SLC4A4: variants seen among roughly 807,000 people sequenced by gnomAD.
SLC4A4 encodes electrogenic sodium bicarbonate cotransporter 1.
Under a neutral mutation model 111.5 loss-of-function variants are expected in SLC4A4, and 27 were observed. That is an observed-to-expected ratio of 0.24 (90% confidence interval 0.18 to 0.33). SLC4A4 has a LOEUF of 0.33. Among genes scored for constraint, SLC4A4 ranks in the 10% least tolerant of loss-of-function variants. The probability of loss-of-function intolerance (pLI) is 1.00; values close to 1 mark genes in which losing one functional copy is unlikely to be tolerated. For synonymous variants in SLC4A4, 443 were observed against 463.4 expected (o/e 0.96, Z 0.57); for missense variants, 909 against 1,315.5 (o/e 0.69, Z 4.78).
intron 6 of SLC4A4, among the ~76,000 whole-genome samples, chr4:71,381,469 C>G (rs1291038739): frequency 1.3e-5 from 2 of 152,168 alleles, no homozygotes; most frequent in African/African-American, 2.4e-5. Context: ...AGAGCTGTGA[C>G]TGTTGTCTTC....
At chr4:71,562,220 A>C (rs1353910342) in intron 23 of SLC4A4, among the ~76,000 whole-genome samples, 1 of 151,802 alleles carries the variant, frequency 6.6e-6, no homozygotes, top group African/African-American at 2.4e-5. Context: ...TTTCCAAAAC[A>C]AACAAACAAA....
intron 2 of SLC4A4, among the ~76,000 whole-genome samples, chr4:71,125,407 C>T (rs1044468429): frequency 6.6e-6 from 1 of 152,134 alleles, no homozygotes; most frequent in African/African-American, 2.4e-5. Flanking sequence ...ACCCTGTCTC[C>T]ACTAAAAATA....
Position 71,156,123 on chromosome 4 carries a change from T to C in SLC4A4, c.-2+63331T>C, listed in dbSNP as rs557786459. 2.7e-3 allele frequency among the ~76,000 whole-genome samples: 409 copies of C among 152,352 alleles called. 1 individual carries two copies. Among genetic ancestry groups the C allele is most frequent in the Non-Finnish European group, 3.0e-3 (204 of 68,020 alleles). On this transcript the variant is annotated intron_variant, in intron 2 of 26. Transcript: ENST00000649996. The stretch of plus-strand genomic sequence containing the variant: ...AGTTTTGGACTTGTGGGAATGATGA[T>C]GCAGGGCATCACCAGGCCAACTCTG...
intron 3 of SLC4A4, among the ~76,000 whole-genome samples, chr4:71,289,709 A>G (rs1724187195): frequency 6.6e-6 from 1 of 152,258 alleles, no homozygotes; most frequent in African/African-American, 2.4e-5. Flanking sequence ...ATTGGCAGAC[A>G]GAGATGAGGA....
chr4:71,317,273 T>G (rs1253477952), intron 3 of SLC4A4, among the ~76,000 whole-genome samples: 1 of 152,074 alleles, frequency 6.6e-6, no homozygotes. Flanking sequence ...ACGTCAATTT[T>G]ATACAAAATT....
Position 71,245,053 on chromosome 4 carries a change from A to T in SLC4A4, c.73+8404A>T, listed in dbSNP as rs139792306. ...ACATTAAATTGAGACCTAAAAGAGGAAAAGGAATTTGCTAGGTGAAGAATC... is the reference window on the plus strand; with the variant it reads ...ACATTAAATTGAGACCTAAAAGAGGTAAAGGAATTTGCTAGGTGAAGAATC... On this transcript the variant is annotated intron_variant, in intron 2 of 25. Transcript: ENST00000264485. Among the ~76,000 whole-genome samples, 894 of 152,276 alleles carry T rather than the reference A, an allele frequency of 5.9e-3. 2 individuals are homozygous for T. The highest frequency in any genetic ancestry group is 9.0e-3 in the Admixed American group (138 of 15,288).
chr4:71,262,882 C>G (rs1422754655), intron 3 of SLC4A4, among the ~76,000 whole-genome samples: 1 of 149,556 alleles, frequency 6.7e-6, no homozygotes, highest in Admixed American at 6.7e-5. Context: ...TTTTGTTATA[C>G]TTTAAGTTCT....
chr4:71,505,218 C>T (rs1404734946), intron 16 of SLC4A4, among the ~76,000 whole-genome samples: 1 of 151,916 alleles, frequency 6.6e-6, no homozygotes, highest in Non-Finnish European at 1.5e-5. Context: ...TATAATTGAA[C>T]AATTTATATT....
chr4:71,360,736 T>C (rs1730700389), intron 6 of SLC4A4, among the ~76,000 whole-genome samples: 1 of 152,180 alleles, frequency 6.6e-6, no homozygotes, highest in South Asian at 2.1e-4. Context: ...AAGTATTGTA[T>C]GAGAATCAAC....
chr4:71,324,918 T>G (rs1193571158), intron 3 of SLC4A4, among the ~76,000 whole-genome samples: 1 of 152,018 alleles, frequency 6.6e-6, no homozygotes, highest in African/African-American at 2.4e-5. Flanking sequence ...AGGCTCTTAA[T>G]GCTGTTGACT....
intron 6 of SLC4A4, among the ~76,000 whole-genome samples, chr4:71,366,834 A>G (rs1391426001): frequency 1.3e-5 from 2 of 152,222 alleles, no homozygotes; most frequent in African/African-American, 2.4e-5. Context: ...TACAGAGTTT[A>G]TATCTCCTCC....
At chr4:71,068,566 CTT>C (rs112103697) in intron 1 of SLC4A4, among the ~76,000 whole-genome samples, 1 of 143,072 alleles carries the variant, frequency 7.0e-6, no homozygotes. Flanking sequence ...TTCTTTTTTT[CTT>C]TTTTTTTTTT....
chr4:71,143,601 C>G (rs1744073660), intron 2 of SLC4A4, among the ~76,000 whole-genome samples: 1 of 152,206 alleles, frequency 6.6e-6, no homozygotes, highest in Non-Finnish European at 1.5e-5. Context: ...CACATCCTCT[C>G]CAGCACCTGT....
intron 16 of SLC4A4, among the ~76,000 whole-genome samples, chr4:71,516,257 G>A (rs967608041): frequency 2.0e-5 from 3 of 151,288 alleles, no homozygotes; most frequent in South Asian, 2.1e-4. Context: ...CACCACGCCC[G>A]GCTAATTTTT....
intron 7 of SLC4A4, among the ~76,000 whole-genome samples, chr4:71,403,902 G>A (rs920062569): frequency 6.6e-6 from 1 of 152,094 alleles, no homozygotes; most frequent in African/African-American, 2.4e-5. Flanking sequence ...ATATCCCAGT[G>A]CATTAAAATG....
In SLC4A4 at chr4:71,569,998, T is replaced by C. The variant is rs1421986336; in HGVS notation, c.*2247T>C. Reference sequence around the variant, plus strand: ...TATATTATCTAGCTTTCTATTACCCTAATATAAACTGGTATAAGAAGACTT... The same window carrying C: ...TATATTATCTAGCTTTCTATTACCCCAATATAAACTGGTATAAGAAGACTT... On this transcript the variant is annotated 3_prime_UTR_variant, in exon 26 of 26. Coordinates refer to ENST00000264485, the MANE Select transcript of SLC4A4 (RefSeq NM_001098484.3). The C allele has an allele frequency of 2.0e-5, 3 of 151,806 alleles. No homozygotes were observed. The highest frequency in any genetic ancestry group is 7.2e-5 in the African/African-American group (3 of 41,408). The allele number at this position is 151,806 out of a possible 1,614,324, so 9.4% of individuals were successfully genotyped here.
At position 71,079,973 on chromosome 4, in the gene SLC4A4, A is replaced by C. The variant is rs1432933915; in HGVS notation, c.-64-12757A>C. Among the ~76,000 whole-genome samples the C allele has an allele frequency of 2.0e-5, 3 of 152,008 alleles. No individual in the cohort carries two copies. The East Asian group carries it at 5.8e-4, about 29-fold the overall frequency. ...CCACAACAGAGAAATGCGGGCAAGCAGTTCTCCTGCCCGTGTGCTGCCAGC... is the reference window on the plus strand; with the variant it reads ...CCACAACAGAGAAATGCGGGCAAGCCGTTCTCCTGCCCGTGTGCTGCCAGC... On this transcript the variant is annotated intron_variant, in intron 1 of 26. Transcript: ENST00000649996.
At chr4:71,343,134 T>C (rs555953589) in intron 4 of SLC4A4, among the ~76,000 whole-genome samples, 1 of 152,338 alleles carries the variant, frequency 6.6e-6, no homozygotes, top group Non-Finnish European at 1.5e-5. Context: ...CATAATAGGC[T>C]CTTAATAAAC....
At chr4:71,417,344 G>T (rs1560487983) in intron 7 of SLC4A4, among the ~76,000 whole-genome samples, 1 of 152,226 alleles carries the variant, frequency 6.6e-6, no homozygotes, top group African/African-American at 2.4e-5. Context: ...AAGGTGGGGG[G>T]TAGTCAGGGG....
Sources: gnomAD v4.1 joint callset for allele counts (sites outside exome capture counted in the v4.1 genomes callset) on GRCh38, gnomAD v4.1.1 for gene constraint, MANE v1.5 for transcripts, NCBI Gene and HGNC (gene_info 2026-07-23, HGNC 2026-07-21) for gene names.